The following SUGCT variants were observed in gnomAD, a reference collection of about 807,000 sequenced individuals.
The protein encoded by SUGCT is succinyl-CoA:glutarate CoA-transferase.
In SUGCT, 41 loss-of-function variants were observed where a neutral mutation model predicts 55.0. The observed-to-expected ratio is 0.74, with a 90% CI of 0.58 to 0.97. SUGCT has a LOEUF of 0.97. Among genes scored for constraint, SUGCT ranks in the 50% least tolerant of loss-of-function variants. SUGCT has a pLI of 0.00. For missense variants in SUGCT, 568 were observed against 547.8 expected, an observed-to-expected ratio of 1.04 and a Z score of -0.37; for synonymous variants, 187 against 200.4, an observed-to-expected ratio of 0.93 and a Z score of 0.56.
chr7:40,601,559 T>C (rs1200185864), intron 12 of SUGCT, among the ~76,000 whole-genome samples: 1 of 152,202 alleles, frequency 6.6e-6, no homozygotes, highest in African/African-American at 2.4e-5. Context: ...TTCCATGATG[T>C]GGAGTATCAC....
chr7:40,661,041 T>C (rs1371207810), intron 12 of SUGCT, among the ~76,000 whole-genome samples: 4 of 152,152 alleles, frequency 2.6e-5, no homozygotes, highest in Non-Finnish European at 5.9e-5. Flanking sequence ...AACATGCAAC[T>C]TTACTCACTG....
chr7:40,251,018 C>T (rs977738804), intron 7 of SUGCT, among the ~76,000 whole-genome samples: 9 of 151,530 alleles, frequency 5.9e-5, no homozygotes, highest in African/African-American at 1.7e-4. Context: ...TTAGTGGAGA[C>T]GGGGGTTTCA....
chr7:40,596,872 A>G (rs929381649), intron 12 of SUGCT, among the ~76,000 whole-genome samples: 2 of 152,170 alleles, frequency 1.3e-5, no homozygotes, highest in Admixed American at 6.5e-5. Context: ...AACACAATCT[A>G]TTATTTAGAA....
intron 12 of SUGCT, among the ~76,000 whole-genome samples, chr7:40,720,176 T>C (rs1786252690): frequency 6.6e-6 from 1 of 152,170 alleles, no homozygotes; most frequent in African/African-American, 2.4e-5. Context: ...CCTCATGTGA[T>C]TTTAGAGTCA....
intron 8 of SUGCT, among the ~76,000 whole-genome samples, chr7:40,281,720 A>G (rs752523653): frequency 6.6e-6 from 1 of 152,240 alleles, no homozygotes; most frequent in Non-Finnish European, 1.5e-5. Flanking sequence ...TCAAAACAGC[A>G]TGGCATTGGC....
At chr7:41,018,934 C>G in the SUGCT span, among the ~76,000 whole-genome samples, 2 of 144,838 alleles carry the variant, frequency 1.4e-5, no homozygotes, top group Non-Finnish European at 1.5e-5. Flanking sequence ...GAGACGGAGT[C>G]TCACTCTGTT....
intron 12 of SUGCT, among the ~76,000 whole-genome samples, chr7:40,510,115 TAATA>T (rs1043266285): frequency 2.0e-5 from 3 of 152,230 alleles, no homozygotes; most frequent in Non-Finnish European, 2.9e-5. Context: ...TTGTATAAAA[TAATA>T]AATAACCAGA....
At chr7:40,483,818 C>T (rs545205714) in intron 11 of SUGCT, among the ~76,000 whole-genome samples, 3 of 152,252 alleles carry the variant, frequency 2.0e-5, no homozygotes, top group South Asian at 2.1e-4. Context: ...ATACCATGCT[C>T]CCTCTATCGG....
At chr7:40,826,417 A>G (rs1344682660) in intron 13 of SUGCT, among the ~76,000 whole-genome samples, 2 of 152,206 alleles carry the variant, frequency 1.3e-5, no homozygotes, top group East Asian at 1.9e-4. Flanking sequence ...GTAACTAGGG[A>G]ATATCCACAA....
At chr7:40,144,541 G>C (rs1475471502) in intron 1 of SUGCT, among the ~76,000 whole-genome samples, 1 of 152,108 alleles carries the variant, frequency 6.6e-6, no homozygotes, top group Non-Finnish European at 1.5e-5. Context: ...GGTGGCTGGA[G>C]TTTTCCTTCT....
the SUGCT span, among the ~76,000 whole-genome samples, chr7:40,889,860 A>G: frequency 1.9e-3 from 290 of 152,286 alleles, no homozygotes; most frequent in Non-Finnish European, 3.5e-3. Context: ...CTCATGCACT[A>G]TATAAAATAG....
intron 9 of SUGCT, among the ~76,000 whole-genome samples, chr7:40,363,577 A>C (rs1390776661): frequency 6.6e-6 from 1 of 152,200 alleles, no homozygotes; most frequent in East Asian, 1.9e-4. Flanking sequence ...TGTACCCAGC[A>C]GTCATTCAGG....
intron 9 of SUGCT, among the ~76,000 whole-genome samples, chr7:40,368,098 C>T (rs1426278224): frequency 2.0e-5 from 3 of 152,246 alleles, no homozygotes; most frequent in African/African-American, 4.8e-5. Context: ...TCTCTATTGT[C>T]ATCTCCGAAA....
At chr7:40,698,812 T>C (rs1246350637) in intron 12 of SUGCT, among the ~76,000 whole-genome samples, 2 of 152,154 alleles carry the variant, frequency 1.3e-5, no homozygotes, top group Non-Finnish European at 2.9e-5. Context: ...TGTGGATGCC[T>C]GCGATTTTGG....
At chr7:40,230,962 A>G (rs1381561433) in intron 6 of SUGCT, among the ~76,000 whole-genome samples, 2 of 152,218 alleles carry the variant, frequency 1.3e-5, no homozygotes, top group African/African-American at 4.8e-5. Flanking sequence ...CAAATAATTG[A>G]CAAAAGTCTA....
chr7:40,424,654 T>C (rs953492047), intron 9 of SUGCT, among the ~76,000 whole-genome samples: 3 of 152,170 alleles, frequency 2.0e-5, no homozygotes, highest in Non-Finnish European at 4.4e-5. Flanking sequence ...TAATAATGAT[T>C]TAATAAATTT....
At chr7:40,706,809 T>C (rs1294073155) in intron 12 of SUGCT, among the ~76,000 whole-genome samples, 6 of 152,182 alleles carry the variant, frequency 3.9e-5, no homozygotes, top group Non-Finnish European at 7.4e-5. Flanking sequence ...AATTTTGAGA[T>C]AGCTTTGTGT....
intron 11 of SUGCT, among the ~76,000 whole-genome samples, chr7:40,483,403 A>T (rs1362351990): frequency 6.6e-6 from 1 of 152,210 alleles, no homozygotes; most frequent in African/African-American, 2.4e-5. Context: ...TTTAACACTT[A>T]TATAGCACTT....
At chr7:40,530,559 C>A (rs191253702) in intron 12 of SUGCT, among the ~76,000 whole-genome samples, 478 of 152,260 alleles carry the variant, frequency 3.1e-3, no homozygotes, top group Non-Finnish European at 5.6e-3. Context: ...GACCTTGATG[C>A]TAACTTAATA....
Sources: allele counts gnomAD v4.1 joint callset (sites outside exome capture counted in the v4.1 genomes callset), GRCh38; gene constraint gnomAD v4.1.1; transcripts MANE v1.5; gene names NCBI Gene and HGNC (gene_info 2026-07-23, HGNC 2026-07-21).